PCCA: variants seen among roughly 807,000 people sequenced by gnomAD.
PCCA encodes propionyl-CoA carboxylase subunit alpha.
Under a neutral mutation model 101.3 loss-of-function variants are expected in PCCA, and 74 were observed. The observed-to-expected ratio is 0.73, with a 90% CI of 0.61 to 0.89. The LOEUF (loss-of-function observed/expected upper bound fraction) is 0.89. PCCA is among the 40% of genes least tolerant of loss of function. The pLI, the probability that PCCA is intolerant of heterozygous loss-of-function variation, is 0.00. For missense variants in PCCA, 891 were observed against 907.0 expected (o/e 0.98, Z 0.23); for synonymous variants, 294 against 313.6 (o/e 0.94, Z 0.66).
Position 100,089,134 on chromosome 13 carries a change from G to C in PCCA, c.14G>C (p.Trp5Ser). 1.3e-6 allele frequency: 2 copies of C among 1,509,850 alleles called. No homozygotes were observed. The highest frequency in any genetic ancestry group is 1.8e-6 in the Non-Finnish European group (2 of 1,127,564). The allele number at this position is 1,509,850 out of a possible 1,614,324, so 93.5% of individuals were successfully genotyped here. The change falls in exon 1 of 24, where the codon TGG becomes TCG. Residue 5 changes from tryptophan to serine, a missense_variant. By Grantham distance (177) the Trp-to-Ser change is radical. Coordinates refer to ENST00000376285, the MANE Select transcript of PCCA (RefSeq NM_000282.4). Reference protein sequence around the residue: MAGFWVGTAPLVAAG... With the variant: MAGFSVGTAPLVAAG... ...GCGGGGACAACAATGGCGGGGTTCT[G>C]GGTCGGGACAGCACCGCTGGTCGCT...
At chr13:100,350,939 A>C (rs550391523) in intron 18 of PCCA, among the ~76,000 whole-genome samples, 1 of 152,226 alleles carries the variant, frequency 6.6e-6, no homozygotes, top group African/African-American at 2.4e-5. Context: ...ATTTCATATC[A>C]TACAGCTATT....
chr13:100,392,553 AGTTTTTTCTCT>A (rs1473933727), intron 19 of PCCA, among the ~76,000 whole-genome samples: 1 of 152,126 alleles, frequency 6.6e-6, no homozygotes, highest in African/African-American at 2.4e-5. Context: ...TATTCTTCAC[AGTTTTTTCTCT>A]GTCAGTAATG....
intron 19 of PCCA, among the ~76,000 whole-genome samples, chr13:100,400,630 C>CTTTTTTTTTTTTTTTTTTTTTTT (rs1281449669): frequency 2.7e-4 from 25 of 90,958 alleles, no homozygotes; most frequent in African/African-American, 5.4e-4. Context: ...CTTTTTAGTT[C>CTTTTTTTTTTTTTTTTTTTTTTT]TTTTTTTTTT....
chr13:100,411,914 A>G (rs1390990950), intron 19 of PCCA, among the ~76,000 whole-genome samples: 1 of 152,192 alleles, frequency 6.6e-6, no homozygotes, highest in Non-Finnish European at 1.5e-5. Flanking sequence ...AGGGGACACA[A>G]CCATTCAGTC....
intron 23 of PCCA, among the ~76,000 whole-genome samples, 164 bp from the exon 24 acceptor site, chr13:100,529,934 A>G (rs1165187899): frequency 1.4e-5 from 2 of 147,324 alleles, no homozygotes; most frequent in Non-Finnish European, 3.0e-5. Context: ...CTCCCTGTTC[A>G]CCAGGGTCCC....
intron 12 of PCCA, among the ~76,000 whole-genome samples, chr13:100,292,470 A>T (rs1256583670): frequency 6.6e-6 from 1 of 152,188 alleles, no homozygotes; most frequent in Non-Finnish European, 1.5e-5. Flanking sequence ...ATAGTTTACA[A>T]ATTCAAAATA....
intron 21 of PCCA, among the ~76,000 whole-genome samples, chr13:100,483,006 A>G: frequency 6.6e-6 from 1 of 152,304 alleles, no homozygotes. Flanking sequence ...TGACTACATC[A>G]TCCAAATTTG....
chr13:100,257,861 T>G (rs1387048644), intron 9 of PCCA, among the ~76,000 whole-genome samples, 188 bp downstream of exon 9: 1 of 152,212 alleles, frequency 6.6e-6, no homozygotes, highest in Non-Finnish European at 1.5e-5. Context: ...TGATGATGAT[T>G]ATCTTATTAT....
chr13:100,475,971 C>G (rs1313293459), intron 21 of PCCA, among the ~76,000 whole-genome samples: 1 of 152,002 alleles, frequency 6.6e-6, no homozygotes, highest in East Asian at 1.9e-4. Flanking sequence ...ACAAACTTGA[C>G]CCCCCAAAAG....
chr13:100,216,596 A>G (rs534525116), intron 7 of PCCA, among the ~76,000 whole-genome samples: 1 of 152,344 alleles, frequency 6.6e-6, no homozygotes, highest in Admixed American at 6.5e-5. Flanking sequence ...TCTAGGAGAT[A>G]AATTTTATAC....
At chr13:100,327,143 C>G (rs1482255435) in intron 16 of PCCA, among the ~76,000 whole-genome samples, 3 of 152,052 alleles carry the variant, frequency 2.0e-5, no homozygotes, top group Non-Finnish European at 2.9e-5. Flanking sequence ...ACGTATACAC[C>G]TGTGAAACCA....
chr13:100,242,443 T>C (rs1242903993), intron 8 of PCCA, among the ~76,000 whole-genome samples: 1 of 152,162 alleles, frequency 6.6e-6, no homozygotes, highest in African/African-American at 2.4e-5. Flanking sequence ...ACAATAGTAG[T>C]TGGAGACTTT....
At chr13:100,506,787 G>A (rs2086114493) in intron 21 of PCCA, among the ~76,000 whole-genome samples, 1 of 152,092 alleles carries the variant, frequency 6.6e-6, no homozygotes, top group Non-Finnish European at 1.5e-5. Flanking sequence ...GGAGAAAAAG[G>A]AAGAGGGTTG....
intron 20 of PCCA, among the ~76,000 whole-genome samples, chr13:100,428,354 C>A (rs1196814702): frequency 7.0e-6 from 1 of 142,754 alleles, no homozygotes; most frequent in East Asian, 2.1e-4. Flanking sequence ...CCACCCCCAC[C>A]CCCCCCACAC....
chr13:100,271,727 T>C (rs942732717), intron 11 of PCCA, among the ~76,000 whole-genome samples: 4 of 152,240 alleles, frequency 2.6e-5, no homozygotes, highest in Non-Finnish European at 5.9e-5. Flanking sequence ...TAAGGAGTTC[T>C]TGTTTTTTGT....
chr13:100,408,888 C>T (rs145380281), intron 19 of PCCA, among the ~76,000 whole-genome samples: 2 of 152,318 alleles, frequency 1.3e-5, no homozygotes, highest in Non-Finnish European at 2.9e-5. Context: ...AACAAAACAA[C>T]AGCAGGTTAA....
At chr13:100,521,171 T>G (rs2087256742) in intron 22 of PCCA, among the ~76,000 whole-genome samples, 1 of 152,190 alleles carries the variant, frequency 6.6e-6, no homozygotes, top group African/African-American at 2.4e-5. Context: ...TTTCTTCATT[T>G]TAAGGAATTT....
At chr13:100,186,522 A>C (rs1185670775) in intron 6 of PCCA, among the ~76,000 whole-genome samples, 1 of 152,090 alleles carries the variant, frequency 6.6e-6, no homozygotes, top group African/African-American at 2.4e-5. Flanking sequence ...TGGGTGGATC[A>C]CTTGAGGCCA....
intron 1 of PCCA, among the ~76,000 whole-genome samples, chr13:100,091,340 T>C (rs1163245407): frequency 2.6e-5 from 4 of 152,246 alleles, no homozygotes; most frequent in Non-Finnish European, 5.9e-5. Context: ...CCTGGTTTTT[T>C]CCTTTTAATG....
Sources: allele counts gnomAD v4.1 joint callset (sites outside exome capture counted in the v4.1 genomes callset), GRCh38; gene constraint gnomAD v4.1.1; transcripts MANE v1.5; gene names NCBI Gene and HGNC (gene_info 2026-07-23, HGNC 2026-07-21).